Variants in SMPX observed in about 807,000 individuals in gnomAD.
SMPX encodes the protein small muscular protein.
A neutral mutation model predicts 6.3 loss-of-function variants in SMPX; 2 were observed. The ratio of observed to expected loss-of-function variants is 0.32; its 90% CI spans 0.13 to 0.99. The LOEUF is 0.99. Ranked by LOEUF, SMPX falls within the 50% of genes least tolerant of loss-of-function variation. SMPX has a pLI of 0.49. For synonymous variants in SMPX, 32 were observed against 24.7 expected, an observed-to-expected ratio of 1.30 and a Z score of -0.88; for missense variants, 60 against 66.8, an observed-to-expected ratio of 0.90 and a Z score of 0.36.
chrX:21,729,168 G>C lies in SMPX; in HGVS notation c.*14+8381C>G, dbSNP rs532141249. Among the ~76,000 whole-genome samples, 5 of 112,794 alleles carry C rather than the reference G, an allele frequency of 4.4e-5. No homozygotes were observed. The Middle Eastern group carries it at 0.014, about 313-fold the overall frequency. ...ATATTTAAGAGTGCTTCATTCCTAA[G>C]TCTTAATTACTGTTAAGAGATTATA... On this transcript the variant is annotated intron_variant, in intron 4 of 4. Coordinates refer to ENST00000379494, the MANE Select transcript of SMPX (RefSeq NM_014332.3).
chrX:21,742,021 G>A (rs368577843), intron 3 of SMPX, among the ~76,000 whole-genome samples: 17 of 112,115 alleles, frequency 1.5e-4, no homozygotes, highest in African/African-American at 5.2e-4. Flanking sequence ...TACTTGTGTG[G>A]AGGAAAGTAC....
At chrX:21,724,258 G>A (rs1446026451) in intron 4 of SMPX, among the ~76,000 whole-genome samples, 1 of 111,800 alleles carries the variant, frequency 8.9e-6, no homozygotes, top group African/African-American at 3.3e-5. Flanking sequence ...GTTTTCCCCA[G>A]ACCCATTTGT....
intron 1 of SMPX, among the ~76,000 whole-genome samples, chrX:21,757,242 T>C (rs1365175412): frequency 9.0e-6 from 1 of 111,548 alleles, no homozygotes; most frequent in African/African-American, 3.3e-5. Flanking sequence ...GAGAAGGGTG[T>C]AGAAAGATGT....
At chrX:21,722,287 G>C (rs190028431) in intron 4 of SMPX, among the ~76,000 whole-genome samples, 3 of 112,489 alleles carry the variant, frequency 2.7e-5, no homozygotes, top group Admixed American at 9.4e-5. Flanking sequence ...CCACTACCTG[G>C]ACAGCCACAG....
chrX:21,751,865 T>C (rs976913561), intron 2 of SMPX, among the ~76,000 whole-genome samples: 3 of 112,414 alleles, frequency 2.7e-5, no homozygotes, highest in Non-Finnish European at 3.8e-5. Flanking sequence ...ACCTAGATAA[T>C]GTCCCTACTA....
At chrX:21,731,728 A>G (rs905758848) in intron 4 of SMPX, among the ~76,000 whole-genome samples, 17 of 103,612 alleles carry the variant, frequency 1.6e-4, no homozygotes, top group Non-Finnish European at 2.6e-4. Flanking sequence ...GTACACATTA[A>G]TGTGTATATG....
intron 4 of SMPX, among the ~76,000 whole-genome samples, chrX:21,710,748 G>A (rs184359728): frequency 4.7e-4 from 52 of 111,616 alleles, no homozygotes; most frequent in African/African-American, 1.5e-3. Context: ...TGTGAAGAGG[G>A]GGAAGCTGGG....
Position 21,758,049 on chromosome X carries a change from G to A in SMPX, c.-120C>T. The A allele has an allele frequency of 3.0e-6, 1 of 329,484 alleles. No homozygotes were observed. The highest frequency in any genetic ancestry group is 2.6e-5 in the African/African-American group (1 of 38,254). The allele number at this position is 329,484 out of a possible 1,213,427, so 27.2% of individuals were successfully genotyped here. A position where few individuals can be genotyped will look rare whatever the true frequency, so the allele number is the denominator to read the frequency against. On this transcript the variant is annotated 5_prime_UTR_variant, in exon 1 of 5. Transcript: ENST00000379494. ...GGGCGCCCGGTGTCCTCTGAGCTGC[G>A]ATCTCAATTCCGATGCTTTTCATGT...
At chrX:21,715,324 G>A (rs911564774) in intron 4 of SMPX, among the ~76,000 whole-genome samples, 6 of 109,520 alleles carry the variant, frequency 5.5e-5, no homozygotes, top group Non-Finnish European at 9.5e-5. Context: ...GCGCGCGCTC[G>A]CGCGCTGGTG....
chrX:21,748,589 T>C (rs985631507), intron 2 of SMPX, among the ~76,000 whole-genome samples: 11 of 111,850 alleles, frequency 9.8e-5, no homozygotes, highest in African/African-American at 3.6e-4. Context: ...AGAGCCGCAA[T>C]GATCATTAGC....
At chrX:21,725,398 C>T (rs1387349810) in intron 4 of SMPX, among the ~76,000 whole-genome samples, 1 of 112,378 alleles carries the variant, frequency 8.9e-6, no homozygotes, top group Non-Finnish European at 1.9e-5. Flanking sequence ...CAGGAAAATG[C>T]TGTATAAAGT....
intron 3 of SMPX, among the ~76,000 whole-genome samples, chrX:21,740,905 G>A (rs1364392173): frequency 8.9e-6 from 1 of 112,520 alleles, no homozygotes; most frequent in Non-Finnish European, 1.9e-5. Flanking sequence ...TCAAAAGAGA[G>A]ATTTGGGAAG....
intron 2 of SMPX, among the ~76,000 whole-genome samples, chrX:21,749,651 G>A (rs1390575688): frequency 1.8e-5 from 2 of 111,974 alleles, no homozygotes; most frequent in Non-Finnish European, 1.9e-5. Context: ...TATAATCCTG[G>A]GGGAGTTACT....
chrX:21,720,006 C>T (rs750909956), intron 4 of SMPX, among the ~76,000 whole-genome samples: 41 of 111,823 alleles, frequency 3.7e-4, no homozygotes, highest in Admixed American at 3.6e-3. Context: ...CTTTGGACCT[C>T]GGTTTTATCA....
chrX:21,717,574 G>C (rs777231384), intron 4 of SMPX, among the ~76,000 whole-genome samples: 1 of 112,315 alleles, frequency 8.9e-6, no homozygotes, highest in Non-Finnish European at 1.9e-5. Context: ...GTTTTATATG[G>C]CCTACATTAT....
chrX:21,724,683 A>AT (rs1268765376), intron 4 of SMPX, among the ~76,000 whole-genome samples: 9 of 111,978 alleles, frequency 8.0e-5, no homozygotes, highest in Non-Finnish European at 1.7e-4. Flanking sequence ...GATTACACCC[A>AT]TTTTCTACAG....
chrX:21,718,647 G>A (rs1273949961), intron 4 of SMPX, among the ~76,000 whole-genome samples: 1 of 112,044 alleles, frequency 8.9e-6, no homozygotes, highest in African/African-American at 3.2e-5. Context: ...GGATCCCCTG[G>A]CTTAATTTAT....
chrX:21,715,588 C>T (rs2092784245), intron 4 of SMPX, among the ~76,000 whole-genome samples: 2 of 111,144 alleles, frequency 1.8e-5, no homozygotes, highest in South Asian at 7.7e-4. Flanking sequence ...ACTGCAGATT[C>T]TGACTCAGGA....
At position 21,743,799 on chromosome X, in the gene SMPX, C is replaced by G. The variant is rs1396905524; in HGVS notation, c.83G>C (p.Gly28Ala). The stretch of plus-strand genomic sequence containing the variant: ...TTTTCTTCTGGGGGGTTGACCTGCT[C>G]CTGGCCGAAAGGCTCCCATTGGAAT... ...INIPMGAFRP[G>A]AGQPPRRKEC... The change falls in exon 3 of 5, where the codon GGA becomes GCA. Residue 28 changes from glycine (G) to alanine (A), a missense_variant. Transcript: ENST00000379494. 8.3e-7 allele frequency: 1 copy of G among 1,209,999 alleles called. No homozygotes were observed. Among genetic ancestry groups the G allele is most frequent in the East Asian group, 3.0e-5 (1 of 33,825 alleles).
Sources: allele counts gnomAD v4.1 joint callset (sites outside exome capture counted in the v4.1 genomes callset), GRCh38; gene constraint gnomAD v4.1.1; transcripts MANE v1.5; gene names NCBI Gene and HGNC (gene_info 2026-07-23, HGNC 2026-07-21).